The following FKBP5 variants were observed in gnomAD, a reference collection of about 807,000 sequenced individuals.
FKBP5 encodes FKBP prolyl isomerase 5, also known as peptidyl-prolyl cis-trans isomerase FKBP5.
Under a neutral mutation model 50.5 loss-of-function variants are expected in FKBP5, and 23 were observed. The ratio of observed to expected loss-of-function variants is 0.46; its 90% CI spans 0.33 to 0.65. The LOEUF (loss-of-function observed/expected upper bound fraction) is 0.65. Among genes scored for constraint, FKBP5 ranks in the 30% least tolerant of loss-of-function variants. The pLI is 0.02. For synonymous variants in FKBP5, 176 were observed against 190.6 expected, an observed-to-expected ratio of 0.92 and a Z score of 0.63; for missense variants, 411 against 553.1, an observed-to-expected ratio of 0.74 and a Z score of 2.58.
intron 2 of FKBP5, among the ~76,000 whole-genome samples, chr6:35,698,208 G>A (rs1766116608): frequency 6.6e-6 from 1 of 152,200 alleles, no homozygotes; most frequent in African/African-American, 2.4e-5. Context: ...CAGGCGTGGT[G>A]CCGCATGCCT....
At chr6:35,606,421 G>C (rs1357120217) in intron 5 of FKBP5, among the ~76,000 whole-genome samples, 1 of 151,970 alleles carries the variant, frequency 6.6e-6, no homozygotes, top group African/African-American at 2.4e-5. Flanking sequence ...ACTTTGGGAG[G>C]CCGAGGCAGG....
intron 1 of FKBP5, among the ~76,000 whole-genome samples, chr6:35,643,332 G>T (rs1183835993): frequency 6.6e-6 from 1 of 152,150 alleles, no homozygotes; most frequent in Non-Finnish European, 1.5e-5. Context: ...TAATCTTGCT[G>T]AGCCTTCATT....
intron 2 of FKBP5, among the ~76,000 whole-genome samples, chr6:35,640,128 C>T (rs1419472953): frequency 6.6e-6 from 1 of 152,152 alleles, no homozygotes; most frequent in Non-Finnish European, 1.5e-5. Flanking sequence ...TCATGCATCG[C>T]TTAAGGACAG....
chr6:35,685,954 C>T (rs1240487269), intron 1 of FKBP5, among the ~76,000 whole-genome samples: 1 of 146,634 alleles, frequency 6.8e-6, no homozygotes, highest in Non-Finnish European at 1.5e-5. Context: ...TGCACTCCAG[C>T]CTGGGCAACA....
At chr6:35,579,164 A>ACTCTCT (rs111398353) in intron 9 of FKBP5, among the ~76,000 whole-genome samples, 2 of 148,020 alleles carry the variant, frequency 1.4e-5, no homozygotes, top group Non-Finnish European at 3.0e-5. Flanking sequence ...GCGCGCACAC[A>ACTCTCT]CTCTCTCTCT....
chr6:35,610,289 G>A (rs1194302627), intron 5 of FKBP5, among the ~76,000 whole-genome samples: 8 of 152,076 alleles, frequency 5.3e-5, no homozygotes, highest in African/African-American at 1.2e-4. Flanking sequence ...AAAAAAGGCC[G>A]GGCGTGGTGG....
At chr6:35,668,972 G>A (rs1765307634) in intron 1 of FKBP5, among the ~76,000 whole-genome samples, 1 of 151,968 alleles carries the variant, frequency 6.6e-6, no homozygotes, top group Admixed American at 6.6e-5. Flanking sequence ...ACTCCTGTAG[G>A]AAGTATTTTA....
At chr6:35,606,986 G>C (rs908264889) in intron 5 of FKBP5, among the ~76,000 whole-genome samples, 3 of 152,166 alleles carry the variant, frequency 2.0e-5, no homozygotes, top group Non-Finnish European at 4.4e-5. Context: ...TGTTGCCCAG[G>C]CTGGACTGCA....
chr6:35,623,265 G>C (rs1481549749), intron 3 of FKBP5, among the ~76,000 whole-genome samples: 2 of 152,072 alleles, frequency 1.3e-5, no homozygotes, highest in Non-Finnish European at 2.9e-5. Context: ...TAAATAAAGA[G>C]TTATTAGATA....
At chr6:35,654,306 A>C (rs1032583114) in intron 1 of FKBP5, among the ~76,000 whole-genome samples, 3 of 152,128 alleles carry the variant, frequency 2.0e-5, no homozygotes, top group Non-Finnish European at 2.9e-5. Context: ...AATCTGAAAA[A>C]CTCCAAGATC....
At chr6:35,673,528 C>T (rs768794313) in intron 1 of FKBP5, among the ~76,000 whole-genome samples, 1 of 151,954 alleles carries the variant, frequency 6.6e-6, no homozygotes, top group South Asian at 2.1e-4. Flanking sequence ...CAGAGCAAGA[C>T]CCTGTCTCAA....
chr6:35,699,620 A>G (rs910981896), intron 2 of FKBP5, among the ~76,000 whole-genome samples: 3 of 152,174 alleles, frequency 2.0e-5, no homozygotes, highest in African/African-American at 7.2e-5. Flanking sequence ...ATTAAAGCCA[A>G]GTACGAATGA....
At chr6:35,668,032 G>GA (rs965983430) in intron 1 of FKBP5, among the ~76,000 whole-genome samples, 16 of 152,108 alleles carry the variant, frequency 1.1e-4, no homozygotes, top group African/African-American at 3.6e-4. Context: ...TTCAAAAAGG[G>GA]AAAAAAATTA....
intron 2 of FKBP5, among the ~76,000 whole-genome samples, chr6:35,704,945 T>C (rs1343848396): frequency 2.0e-5 from 3 of 151,268 alleles, no homozygotes; most frequent in Non-Finnish European, 2.9e-5. Context: ...ATCGAGACCA[T>C]CCTGGGTAAC....
At position 35,592,272 on chromosome 6, in the gene FKBP5, G is replaced by A. The variant is rs531967579; in HGVS notation, c.666-1052C>T. On this transcript the variant is annotated intron_variant, in intron 6 of 10. Coordinates refer to ENST00000357266, the MANE Select transcript of FKBP5 (RefSeq NM_004117.4). ...CCTCCAGTTTTCTCTGGGGCAAAGG[G>A]ACTAGAGTGGGAACACTCAAATTTT... Among the ~76,000 whole-genome samples the A allele has an allele frequency of 2.9e-4, 44 of 152,300 alleles. No homozygotes were observed. The South Asian group carries it at 6.4e-3, about 22-fold the overall frequency.
chr6:35,674,749 C>G (rs1013572931), intron 1 of FKBP5, among the ~76,000 whole-genome samples: 1 of 152,210 alleles, frequency 6.6e-6, no homozygotes, highest in African/African-American at 2.4e-5. Context: ...GATTCAAACA[C>G]AAGCAGTCTG....
chr6:35,662,965 A>C (rs1422564145), intron 1 of FKBP5, among the ~76,000 whole-genome samples: 2 of 152,208 alleles, frequency 1.3e-5, no homozygotes, highest in Non-Finnish European at 1.5e-5. Flanking sequence ...AGAGAGCTAC[A>C]AAGTGTTTCT....
chr6:35,624,919 G>C (rs1436026156), intron 3 of FKBP5, among the ~76,000 whole-genome samples: 2 of 152,106 alleles, frequency 1.3e-5, no homozygotes, highest in East Asian at 3.8e-4. Flanking sequence ...CTCACTGACG[G>C]GAGCAATGTG....
intron 1 of FKBP5, among the ~76,000 whole-genome samples, chr6:35,655,287 G>C (rs1764917238): frequency 6.6e-6 from 1 of 152,154 alleles, no homozygotes; most frequent in African/African-American, 2.4e-5. Flanking sequence ...TATTGTAGTG[G>C]AGATACAGCA....
Sources: gnomAD v4.1 joint callset for allele counts (sites outside exome capture counted in the v4.1 genomes callset) on GRCh38, gnomAD v4.1.1 for gene constraint, MANE v1.5 for transcripts, NCBI Gene and HGNC (gene_info 2026-07-23, HGNC 2026-07-21) for gene names.